YIPF7: variants seen among roughly 807,000 people sequenced by gnomAD.
YIPF7 encodes Yip1 domain family member 7.
YIPF7 carries 35 observed loss-of-function variants against 27.2 expected under a neutral mutation model. That is an observed-to-expected ratio of 1.29 (90% CI 0.98 to 1.70). The LOEUF (loss-of-function observed/expected upper bound fraction) is 1.70, where lower values mean the gene tolerates loss of function less well. Ranked by LOEUF, YIPF7 falls within the 40% of genes most tolerant of loss-of-function variation. The pLI is 0.00. For missense variants in YIPF7, 358 were observed against 303.7 expected (o/e 1.18, Z -1.33); for synonymous variants, 137 against 110.4 (o/e 1.24, Z -1.51).
At chr4:44,625,827 TA>T (rs1195053772) in intron 4 of YIPF7, among the ~76,000 whole-genome samples, 3 of 152,152 alleles carry the variant, frequency 2.0e-5, no homozygotes, top group Non-Finnish European at 4.4e-5. Context: ...AAGCTACAGT[TA>T]AAAAAATTCA....
chr4:44,650,175 A>G, intron 1 of YIPF7, 74 bp from the exon 2 acceptor site: 1 of 870,604 alleles, frequency 1.1e-6, no homozygotes, highest in Non-Finnish European at 1.9e-6. Flanking sequence ...ACAAACATCA[A>G]ATGACAATGT....
In YIPF7 at chr4:44,629,430, G is replaced by A. The variant is rs1030111108; in HGVS notation, c.399C>T (p.Cys133=). ...ETDLTGPILF[C]VALGATLLLA... ...GAAGCAAGGTGGCTCCCAGGGCTAC[G>A]CAAAAAAGAATGGGTCCAGTGAGGT... The change falls in exon 4 of 6, where the codon TGC becomes TGT. Residue 133 remains cysteine (C), a synonymous_variant. Coordinates refer to ENST00000415895, the MANE Select transcript of YIPF7 (RefSeq NM_182592.3). The A allele has an allele frequency of 3.1e-6, 5 of 1,596,650 alleles. No homozygotes were observed. In the South Asian group the frequency reaches 3.4e-5, roughly 11 times the overall value.
At chr4:44,644,829 T>C (rs778055979) in intron 2 of YIPF7, among the ~76,000 whole-genome samples, 20 of 152,112 alleles carry the variant, frequency 1.3e-4, no homozygotes, top group Non-Finnish European at 2.1e-4. Context: ...AGGTGGGGCC[T>C]AGAGGGAGGT....
Position 44,650,117 on chromosome 4 carries a change from A to T in YIPF7, c.-1-16T>A. The T allele has an allele frequency of 7.1e-7, 1 of 1,415,966 alleles. No homozygotes were observed. The highest frequency in any genetic ancestry group is 1.2e-5 in the South Asian group (1 of 80,818). 87.7% of individuals were successfully genotyped at this position (1,415,966 alleles called of 1,614,324 possible). A position where few individuals can be genotyped will look rare whatever the true frequency, so the allele number is the denominator to read the frequency against. ...GTTTGACATCCTGAAAAATAAGAGTATGTTTTTAATAAGTTCATGAGTCAA... is the reference window on the plus strand; with the variant it reads ...GTTTGACATCCTGAAAAATAAGAGTTTGTTTTTAATAAGTTCATGAGTCAA... On this transcript the variant is annotated splice_polypyrimidine_tract_variant and intron_variant, in intron 1 of 5. Transcript: ENST00000415895.
intron 4 of YIPF7, among the ~76,000 whole-genome samples, chr4:44,627,282 C>T (rs763942898): frequency 1.3e-5 from 2 of 152,222 alleles, no homozygotes; most frequent in Admixed American, 6.5e-5. Flanking sequence ...GTGCTAAGTG[C>T]TTGAAGTTGT....
At chr4:44,655,488 T>C (rs891323994), upstream of YIPF7, among the ~76,000 whole-genome samples, 3 of 152,010 alleles carry the variant, frequency 2.0e-5, no homozygotes, top group African/African-American at 7.2e-5. Context: ...TTAGGAACAC[T>C]AAATGATGTT....
intron 5 of YIPF7, among the ~76,000 whole-genome samples, chr4:44,623,964 C>A (rs1335899408): frequency 1.3e-5 from 2 of 152,044 alleles, no homozygotes; most frequent in Non-Finnish European, 2.9e-5. Flanking sequence ...CAAAATCAAA[C>A]AAGTGAAGTT....
intron 4 of YIPF7, among the ~76,000 whole-genome samples, chr4:44,625,045 T>C (rs1458443716): frequency 6.6e-6 from 1 of 152,236 alleles, no homozygotes; most frequent in African/African-American, 2.4e-5. Flanking sequence ...TTATATTTTT[T>C]ACTCTAAATT....
chr4:44,659,762 T>C (rs1194032401), intron 2 of YIPF7, among the ~76,000 whole-genome samples: 2 of 152,124 alleles, frequency 1.3e-5, no homozygotes, highest in African/African-American at 2.4e-5. Context: ...ATTCCCTTGA[T>C]TTAGCAAATC....
At position 44,650,119 on chromosome 4, in the gene YIPF7, G is replaced by GT; in HGVS notation, c.-1-19dup. 1 of 1,409,786 alleles carries GT rather than the reference G, an allele frequency of 7.1e-7. No homozygotes were observed. The highest frequency in any genetic ancestry group is 1.2e-5 in the South Asian group (1 of 80,752). The allele number at this position is 1,409,786 out of a possible 1,614,324, so 87.3% of individuals were successfully genotyped here. A position where few individuals can be genotyped will look rare whatever the true frequency, so the allele number is the denominator to read the frequency against. On this transcript the variant is annotated intron_variant, in intron 1 of 5. Coordinates refer to ENST00000415895, the MANE Select transcript of YIPF7 (RefSeq NM_182592.3). ...TTGACATCCTGAAAAATAAGAGTAT[G>GT]TTTTTAATAAGTTCATGAGTCAATA...
chr4:44,626,863 C>T (rs1712664858), intron 4 of YIPF7, among the ~76,000 whole-genome samples: 1 of 143,170 alleles, frequency 7.0e-6, no homozygotes, highest in South Asian at 2.3e-4. Context: ...GCAAGCTCCA[C>T]CTCCTGGGTT....
intron 2 of YIPF7, among the ~76,000 whole-genome samples, chr4:44,644,639 T>C (rs540291516): frequency 6.6e-6 from 1 of 152,188 alleles, no homozygotes; most frequent in Non-Finnish European, 1.5e-5. Flanking sequence ...GGTGAGACTT[T>C]GGACTTGGAC....
chr4:44,636,389 T>C (rs927075480), intron 2 of YIPF7, among the ~76,000 whole-genome samples: 1 of 152,092 alleles, frequency 6.6e-6, no homozygotes, highest in Admixed American at 6.5e-5. Flanking sequence ...CTAATCCCAT[T>C]TTACAGAAAA....
chr4:44,637,735 C>G (rs2109588041), intron 2 of YIPF7, among the ~76,000 whole-genome samples: 1 of 152,242 alleles, frequency 6.6e-6, no homozygotes, highest in South Asian at 2.1e-4. Flanking sequence ...TCTTCTATTC[C>G]TCACACCCCT....
intron 1 of YIPF7, among the ~76,000 whole-genome samples, chr4:44,650,703 G>C (rs2109601841): frequency 6.6e-6 from 1 of 152,284 alleles, no homozygotes; most frequent in African/African-American, 2.4e-5. Flanking sequence ...GCTTCTGGCT[G>C]AGTCAGAGAG....
At chr4:44,652,715 A>G (rs1713772593), upstream of YIPF7, among the ~76,000 whole-genome samples, 1 of 152,204 alleles carries the variant, frequency 6.6e-6, no homozygotes, top group African/African-American at 2.4e-5. Context: ...CTAAACATTT[A>G]AAGAGTTACA....
At chr4:44,626,638 C>T (rs113322188) in intron 4 of YIPF7, among the ~76,000 whole-genome samples, 458 of 152,014 alleles carry the variant, frequency 3.0e-3, no homozygotes, top group African/African-American at 0.01. Context: ...GCCGAAATCA[C>T]GGCCATTTTA....
At chr4:44,657,271 T>C (rs1022843904) in intron 2 of YIPF7, among the ~76,000 whole-genome samples, 10 of 152,244 alleles carry the variant, frequency 6.6e-5, no homozygotes, top group Admixed American at 6.5e-4. Context: ...AATTTTAACT[T>C]AATTTGAACA....
At chr4:44,656,412 T>G (rs1285480895), upstream of YIPF7, among the ~76,000 whole-genome samples, 10 of 152,046 alleles carry the variant, frequency 6.6e-5, no homozygotes, top group South Asian at 1.9e-3. Context: ...TTCATCTTTA[T>G]CTCATCCACT....
Sources: gnomAD v4.1 joint callset for allele counts (sites outside exome capture counted in the v4.1 genomes callset) on GRCh38, gnomAD v4.1.1 for gene constraint, MANE v1.5 for transcripts, NCBI Gene and HGNC (gene_info 2026-07-23, HGNC 2026-07-21) for gene names.